The following SDK1 variants were observed in gnomAD, a reference collection of about 807,000 sequenced individuals.
The protein encoded by SDK1 is protein sidekick-1.
Under a neutral mutation model 245.5 loss-of-function variants are expected in SDK1, and 157 were observed. The ratio of observed to expected loss-of-function variants is 0.64; its 90% CI spans 0.56 to 0.73. The LOEUF is 0.73. SDK1 is among the 30% of genes least tolerant of loss of function. SDK1 has a pLI of 0.00. For missense variants in SDK1, 3,583 were observed against 3,002.3 expected (o/e 1.19, Z -4.52); for synonymous variants, 1,647 against 1,278.5 (o/e 1.29, Z -6.15).
At chr7:4,148,198 G>A (rs1454989861) in intron 29 of SDK1, among the ~76,000 whole-genome samples, 1 of 152,226 alleles carries the variant, frequency 6.6e-6, no homozygotes, top group Non-Finnish European at 1.5e-5. Flanking sequence ...TGCTTACGGA[G>A]GCAAGTGCTG....
At chr7:4,072,589 GC>G (rs1328801138) in intron 20 of SDK1, among the ~76,000 whole-genome samples, 4 of 152,236 alleles carry the variant, frequency 2.6e-5, no homozygotes, top group Non-Finnish European at 2.9e-5. Flanking sequence ...TGTGCTGAAG[GC>G]AGAGTGTCTC....
chr7:4,019,915 C>T (rs772371176), intron 17 of SDK1, among the ~76,000 whole-genome samples: 1 of 152,162 alleles, frequency 6.6e-6, no homozygotes, highest in Non-Finnish European at 1.5e-5. Flanking sequence ...CCCCGTCCTC[C>T]CTTTGAGGGA....
intron 32 of SDK1, among the ~76,000 whole-genome samples, chr7:4,168,484 C>T (rs1781635859): frequency 6.6e-6 from 1 of 152,234 alleles, no homozygotes; most frequent in Admixed American, 6.5e-5. Context: ...GCCCCAGAGG[C>T]TGGGAAACCA....
At chr7:3,328,507 T>C (rs1779989058) in intron 1 of SDK1, among the ~76,000 whole-genome samples, 1 of 152,038 alleles carries the variant, frequency 6.6e-6, no homozygotes, top group Admixed American at 6.6e-5. Context: ...ATTTCTAAAA[T>C]ATTTACTTAT....
At chr7:3,394,862 A>G (rs1781852619) in intron 1 of SDK1, among the ~76,000 whole-genome samples, 1 of 152,016 alleles carries the variant, frequency 6.6e-6, no homozygotes, top group African/African-American at 2.4e-5. Flanking sequence ...TATCCTGTGA[A>G]CTAGATGTGC....
chr7:3,456,670 C>G (rs1218857786), intron 1 of SDK1, among the ~76,000 whole-genome samples: 1 of 152,042 alleles, frequency 6.6e-6, no homozygotes, highest in Admixed American at 6.6e-5. Context: ...AAATCCTTGT[C>G]AGATAATTCC....
chr7:3,722,439 C>A lies in SDK1; in HGVS notation c.713+80334C>A, dbSNP rs535078074. Among the ~76,000 whole-genome samples the A allele has an allele frequency of 3.1e-4, 47 of 152,224 alleles. 1 individual carries two copies. Among genetic ancestry groups the A allele is most frequent in the African/African-American group, 1.1e-3 (44 of 41,542 alleles). On this transcript the variant is annotated intron_variant, in intron 4 of 44. Transcript: ENST00000404826. ...GAGAAGTACATTTGGAGCCTTTAAT[C>A]AGGGAAGCTTGCAGGGCTGCGGCAC...
chr7:3,920,763 A>T (rs1779559002), intron 5 of SDK1, among the ~76,000 whole-genome samples: 1 of 150,052 alleles, frequency 6.7e-6, no homozygotes. Flanking sequence ...GAGGGGGAGC[A>T]GTGAGAGTGA....
chr7:3,716,131 T>C (rs868844823), intron 4 of SDK1, among the ~76,000 whole-genome samples: 1 of 134,368 alleles, frequency 7.4e-6, no homozygotes, highest in African/African-American at 3.2e-5. Context: ...AAAAAAAAAA[T>C]GAACAGAGGC....
chr7:3,441,642 C>G (rs1004473677), intron 1 of SDK1, among the ~76,000 whole-genome samples: 2 of 152,114 alleles, frequency 1.3e-5, no homozygotes, highest in African/African-American at 4.8e-5. Flanking sequence ...GTATCATTAG[C>G]CTCCCAACTT....
intron 2 of SDK1, among the ~76,000 whole-genome samples, chr7:3,638,382 C>T (rs866633254): frequency 1.3e-5 from 2 of 151,690 alleles, no homozygotes; most frequent in East Asian, 1.9e-4. Flanking sequence ...TTGGAACCAA[C>T]CCAAATGTCC....
chr7:3,339,897 T>C (rs1780301160), intron 1 of SDK1, among the ~76,000 whole-genome samples: 2 of 151,402 alleles, frequency 1.3e-5, no homozygotes, highest in South Asian at 4.2e-4. Flanking sequence ...AAAAGAAAAA[T>C]CATAAAAATC....
intron 4 of SDK1, among the ~76,000 whole-genome samples, chr7:3,792,054 G>A (rs1409807665): frequency 2.6e-5 from 4 of 152,088 alleles, no homozygotes; most frequent in Non-Finnish European, 4.4e-5. Flanking sequence ...CTTGAACCCG[G>A]GAGTTCAAGG....
chr7:3,953,349 C>G (rs111949053), intron 7 of SDK1, among the ~76,000 whole-genome samples: 1 of 152,160 alleles, frequency 6.6e-6, no homozygotes, highest in African/African-American at 2.4e-5. Context: ...CTGAAAGAAG[C>G]GAAAGTCTGT....
chr7:4,129,154 T>G (rs1163256896), intron 26 of SDK1, among the ~76,000 whole-genome samples: 158 of 61,430 alleles, frequency 2.6e-3, no homozygotes, highest in Admixed American at 3.9e-3. Context: ...AGCTTAGGGT[T>G]GGGTGCCCTG....
At chr7:4,222,735 CGTCT>C (rs1158914487) in intron 40 of SDK1, among the ~76,000 whole-genome samples, 11 of 152,180 alleles carry the variant, frequency 7.2e-5, no homozygotes, top group African/African-American at 2.7e-4. Flanking sequence ...TTGAGCAGGG[CGTCT>C]GTCCTGTTGT....
chr7:3,581,392 A>G (rs75546796), intron 1 of SDK1, among the ~76,000 whole-genome samples: 2,943 of 152,336 alleles, frequency 0.019, 97 homozygotes, highest in African/African-American at 0.066. Flanking sequence ...CAAGCATATG[A>G]TAAAAGCTCA....
chr7:3,987,154 C>G lies in SDK1; in HGVS notation c.1995-32C>G, dbSNP rs1202709702. 6 of 1,612,558 alleles carry G rather than the reference C, an allele frequency of 3.7e-6. No homozygotes were observed. In the South Asian group the frequency reaches 6.6e-5, roughly 18 times the overall value. ...ACCATGGATTCTGACATGTGTTTTC[C>G]TCTTTTTCCTTTTCATCCCATTCAA... On this transcript the variant is annotated intron_variant, in intron 13 of 44. Coordinates refer to ENST00000404826, the MANE Select transcript of SDK1 (RefSeq NM_152744.4).
chr7:3,907,326 C>T (rs1009154661), intron 5 of SDK1, among the ~76,000 whole-genome samples: 1 of 152,190 alleles, frequency 6.6e-6, no homozygotes, highest in Admixed American at 6.5e-5. Context: ...GCTTTTCTGC[C>T]TAGTGTCTCT....
Sources: allele counts gnomAD v4.1 joint callset (sites outside exome capture counted in the v4.1 genomes callset), GRCh38; gene constraint gnomAD v4.1.1; transcripts MANE v1.5; gene names NCBI Gene and HGNC (gene_info 2026-07-23, HGNC 2026-07-21).